ZPLD1: variants seen among roughly 807,000 people sequenced by gnomAD.
ZPLD1 encodes zona pellucida-like domain-containing protein 1.
ZPLD1 carries 34 observed loss-of-function variants against 47.2 expected under a neutral mutation model. That is an observed-to-expected ratio of 0.72 (90% CI 0.55 to 0.96). The LOEUF (loss-of-function observed/expected upper bound fraction) is 0.96, where lower values mean the gene tolerates loss of function less well. Among genes scored for constraint, ZPLD1 ranks in the 40% least tolerant of loss-of-function variants. The pLI is 0.00. For missense variants in ZPLD1, 512 were observed against 505.8 expected (o/e 1.01, Z -0.12); for synonymous variants, 176 against 186.2 (o/e 0.95, Z 0.45).
chr3:102,389,157 C>T (rs773518365), intron 6 of ZPLD1, among the ~76,000 whole-genome samples: 2 of 152,174 alleles, frequency 1.3e-5, no homozygotes, highest in Non-Finnish European at 2.9e-5. Flanking sequence ...ATGAGGAAGG[C>T]TGGTCCTTAA....
At chr3:102,407,478 TAAAC>T (rs1706704094) in intron 7 of ZPLD1, among the ~76,000 whole-genome samples, 1 of 133,544 alleles carries the variant, frequency 7.5e-6, no homozygotes, top group Admixed American at 8.0e-5. Flanking sequence ...TCCACTGGGA[TAAAC>T]AATCAATTTT....
chr3:102,474,777 G>A (rs146319364), intron 10 of ZPLD1, among the ~76,000 whole-genome samples: 29 of 152,074 alleles, frequency 1.9e-4, no homozygotes, highest in African/African-American at 6.7e-4. Flanking sequence ...TCTCCTATAG[G>A]CTTTCAAATA....
intron 7 of ZPLD1, among the ~76,000 whole-genome samples, chr3:102,412,874 T>C (rs1706761539): frequency 6.6e-6 from 1 of 151,650 alleles, no homozygotes; most frequent in Admixed American, 6.6e-5. Context: ...GGAGAGACAC[T>C]ATAAGACTAT....
intron 8 of ZPLD1, among the ~76,000 whole-genome samples, chr3:102,426,778 C>G (rs1281089503): frequency 1.3e-5 from 2 of 152,146 alleles, no homozygotes; most frequent in Non-Finnish European, 2.9e-5. Flanking sequence ...CTGGCTAAAA[C>G]TTTTGTGGAT....
intron 7 of ZPLD1, among the ~76,000 whole-genome samples, chr3:102,397,793 A>G (rs1308088117): frequency 6.6e-6 from 1 of 152,124 alleles, no homozygotes; most frequent in African/African-American, 2.4e-5. Context: ...TTTATTACTA[A>G]TGAAGGATCT....
At chr3:102,404,511 G>T (rs866416943) in intron 7 of ZPLD1, among the ~76,000 whole-genome samples, 1 of 151,932 alleles carries the variant, frequency 6.6e-6, no homozygotes, top group Admixed American at 6.6e-5. Flanking sequence ...ACCTAAGTTC[G>T]AATTGAGATG....
At chr3:102,433,776 G>A (rs62274737), upstream of ZPLD1, among the ~76,000 whole-genome samples, 19,926 of 152,048 alleles carry the variant, frequency 0.13, 1,384 homozygotes, top group Middle Eastern at 0.18. Flanking sequence ...TGATACACCC[G>A]CCTCGGCCTC....
chr3:102,445,204 A>C (rs548358472), intron 3 of ZPLD1, among the ~76,000 whole-genome samples: 1 of 152,134 alleles, frequency 6.6e-6, no homozygotes, highest in Non-Finnish European at 1.5e-5. Flanking sequence ...CCTGTTCCCA[A>C]TTTTGTTTCA....
chr3:102,388,338 C>T (rs1189228637), intron 6 of ZPLD1, among the ~76,000 whole-genome samples: 3 of 152,028 alleles, frequency 2.0e-5, no homozygotes, highest in Non-Finnish European at 4.4e-5. Context: ...CAATGTTTTA[C>T]AATCTTTATC....
At position 102,435,638 on chromosome 3, in the gene ZPLD1, T is replaced by A. The variant is rs539262648; in HGVS notation, c.-123+484T>A. 5.7e-3 allele frequency among the ~76,000 whole-genome samples: 252 copies of A among 44,472 alleles called. 1 individual carries two copies. Among genetic ancestry groups the A allele is most frequent in the Admixed American group, 0.035 (208 of 5,914 alleles). 29.2% of individuals were successfully genotyped at this position (44,472 alleles called of 152,430 possible). On this transcript the variant is annotated intron_variant, in intron 1 of 11. Coordinates refer to ENST00000466937, the MANE Select transcript of ZPLD1 (RefSeq NM_001329788.2). ...GTAAAGTCTATGATCATCATCTTGATTTTTTTTTTTTTTTTTTTTTCTGAG... is the reference window on the plus strand; with the variant it reads ...GTAAAGTCTATGATCATCATCTTGAATTTTTTTTTTTTTTTTTTTTCTGAG...
chr3:102,459,089 C>CAAAAAAAAAAAAA, intron 6 of ZPLD1, among the ~76,000 whole-genome samples: 1 of 25,840 alleles, frequency 3.9e-5, no homozygotes, highest in Non-Finnish European at 7.7e-5. Context: ...GACTCCGTCT[C>CAAAAAAAAAAAAA]AAAAAAAAAA....
At chr3:102,445,694 T>C (rs1486939756) in intron 3 of ZPLD1, among the ~76,000 whole-genome samples, 2 of 152,204 alleles carry the variant, frequency 1.3e-5, no homozygotes, top group African/African-American at 2.4e-5. Context: ...ATGGTACCCA[T>C]GATAGTCTGC....
intron 7 of ZPLD1, among the ~76,000 whole-genome samples, chr3:102,397,483 G>C (rs150035399): frequency 6.6e-6 from 1 of 152,058 alleles, no homozygotes; most frequent in Admixed American, 6.6e-5. Flanking sequence ...GTACTGCCCC[G>C]CTGCTCAAAA....
At chr3:102,407,929 G>A in intron 7 of ZPLD1, among the ~76,000 whole-genome samples, 1 of 151,858 alleles carries the variant, frequency 6.6e-6, no homozygotes, top group Non-Finnish European at 1.5e-5. Context: ...TACTGGGTTT[G>A]TATGAAATGT....
rs573088307 is a variant in ZPLD1 at position 102,411,014 on chromosome 3, T to C, written c.-156-7046T>C. On this transcript the variant is annotated intron_variant, in intron 7 of 17. Coordinates refer to the ZPLD1 transcript ENST00000491959. ...TAAAAATGTTTCAGGAAATAATTTT[T>C]AAAGGACACCAGTTTCTAAGAAAGA... 1.1e-4 allele frequency among the ~76,000 whole-genome samples: 16 copies of C among 151,970 alleles called. No individual in the cohort carries two copies. In the South Asian group the frequency reaches 3.1e-3, roughly 30 times the overall value.
intron 4 of ZPLD1, 25 bp from the exon 5 acceptor site, chr3:102,456,168 T>C (rs1707409553): frequency 6.3e-7 from 1 of 1,596,376 alleles, no homozygotes; most frequent in African/African-American, 1.3e-5. Context: ...ATTTAATCAT[T>C]AAACTGCATC....
chr3:102,462,380 TA>T lies in ZPLD1; in HGVS notation c.680+4del, dbSNP rs1192109513. On this transcript the variant is annotated splice_donor_region_variant and intron_variant, in intron 7 of 11. Coordinates refer to ENST00000466937, the MANE Select transcript of ZPLD1 (RefSeq NM_001329788.2). The stretch of plus-strand genomic sequence containing the variant: ...CCAAGCCACTAATTTGGATGGCAGG[TA>T]ATTTCAAACTCTTGTCTTTTTTAGG... 1 of 1,603,522 alleles carries T rather than the reference TA, an allele frequency of 6.2e-7. No individual in the cohort carries two copies. Among genetic ancestry groups the T allele is most frequent in the Non-Finnish European group, 8.5e-7 (1 of 1,173,948 alleles).
At chr3:102,396,800 C>A (rs1237717717) in intron 7 of ZPLD1, among the ~76,000 whole-genome samples, 2 of 152,032 alleles carry the variant, frequency 1.3e-5, no homozygotes, top group African/African-American at 4.8e-5. Flanking sequence ...GGTCTATGAA[C>A]ATGCTGTTCT....
At chr3:102,450,751 T>C (rs1042265059) in intron 3 of ZPLD1, among the ~76,000 whole-genome samples, 3 of 152,066 alleles carry the variant, frequency 2.0e-5, no homozygotes, top group African/African-American at 7.2e-5. Context: ...AGGGGAGAGA[T>C]AATGATGTCA....
Sources: allele counts gnomAD v4.1 joint callset (sites outside exome capture counted in the v4.1 genomes callset), GRCh38; gene constraint gnomAD v4.1.1; transcripts MANE v1.5; gene names NCBI Gene and HGNC (gene_info 2026-07-23, HGNC 2026-07-21).